CTNNA3: variants seen among roughly 807,000 people sequenced by gnomAD.
The protein encoded by CTNNA3 is catenin alpha-3.
A neutral mutation model predicts 95.7 loss-of-function variants in CTNNA3; 76 were observed. That is an observed-to-expected ratio of 0.79 (90% CI 0.66 to 0.96). The LOEUF is 0.96. CTNNA3 is among the 40% of genes least tolerant of loss of function. The pLI is 0.00. For missense variants in CTNNA3, 1,191 were observed against 1,089.8 expected (o/e 1.09, Z -1.31); for synonymous variants, 431 against 374.4 (o/e 1.15, Z -1.74).
chr10:67,221,284 A>C lies in CTNNA3; in HGVS notation c.580-1414T>G, dbSNP rs147555689. ...ACCTTTGCAACTTTTCTGTAAATCTAAAATTACTCCCAAATAAAAGCTTAA... is the reference window on the plus strand; with the variant it reads ...ACCTTTGCAACTTTTCTGTAAATCTCAAATTACTCCCAAATAAAAGCTTAA... On this transcript the variant is annotated intron_variant, in intron 5 of 17. Coordinates refer to ENST00000433211, the MANE Select transcript of CTNNA3 (RefSeq NM_013266.4). Among the ~76,000 whole-genome samples, 838 of 152,338 alleles carry C rather than the reference A, an allele frequency of 5.5e-3. 3 individuals carry two copies. Among genetic ancestry groups the C allele is most frequent in the African/African-American group, 0.019 (801 of 41,580 alleles).
intron 10 of CTNNA3, among the ~76,000 whole-genome samples, chr10:66,582,080 T>G (rs895647549): frequency 5.3e-5 from 8 of 151,912 alleles, no homozygotes; most frequent in African/African-American, 1.9e-4. Flanking sequence ...GGTAATGTGA[T>G]GCCTCCAGAT....
chr10:66,483,694 G>C (rs1038719639), intron 11 of CTNNA3, among the ~76,000 whole-genome samples: 2 of 152,048 alleles, frequency 1.3e-5, no homozygotes, highest in Non-Finnish European at 1.5e-5. Context: ...GAACTCTGCA[G>C]TTCACGGAAT....
intron 10 of CTNNA3, among the ~76,000 whole-genome samples, chr10:66,559,917 C>T (rs887667650): frequency 2.0e-5 from 3 of 151,990 alleles, no homozygotes; most frequent in Non-Finnish European, 4.4e-5. Context: ...TGTCTGTCTC[C>T]ACTTCTACAT....
intron 16 of CTNNA3, among the ~76,000 whole-genome samples, chr10:65,980,843 T>C (rs1405469675): frequency 6.6e-6 from 1 of 151,858 alleles, no homozygotes; most frequent in Non-Finnish European, 1.5e-5. Flanking sequence ...TGACATACCT[T>C]AAGGTAATAA....
At chr10:65,927,598 T>C (rs1213973700) in intron 17 of CTNNA3, among the ~76,000 whole-genome samples, 1 of 152,228 alleles carries the variant, frequency 6.6e-6, no homozygotes, top group Non-Finnish European at 1.5e-5. Context: ...ATTACATGTG[T>C]AAGCTTCACG....
chr10:66,957,719 G>A (rs919994105), intron 7 of CTNNA3, among the ~76,000 whole-genome samples: 2 of 151,838 alleles, frequency 1.3e-5, no homozygotes, highest in Admixed American at 6.6e-5. Context: ...GAAACATGGG[G>A]ACAGCATCAG....
chr10:66,733,352 G>A (rs1366819691), intron 9 of CTNNA3, among the ~76,000 whole-genome samples: 2 of 151,850 alleles, frequency 1.3e-5, no homozygotes, highest in Admixed American at 6.6e-5. Flanking sequence ...AAAACATTTA[G>A]TGGAAGCATA....
At chr10:66,139,956 G>T (rs2083532317) in intron 13 of CTNNA3, among the ~76,000 whole-genome samples, 1 of 152,170 alleles carries the variant, frequency 6.6e-6, no homozygotes, top group African/African-American at 2.4e-5. Context: ...GTGGCAATGG[G>T]GGCTTTTGTG....
At chr10:66,266,655 A>G (rs2091166060) in intron 13 of CTNNA3, among the ~76,000 whole-genome samples, 2 of 152,054 alleles carry the variant, frequency 1.3e-5, no homozygotes, top group Admixed American at 6.6e-5. Flanking sequence ...AGTAGTGAAC[A>G]TGCCTGACTA....
intron 9 of CTNNA3, among the ~76,000 whole-genome samples, chr10:66,711,313 T>C (rs1589155415): frequency 6.8e-6 from 1 of 147,016 alleles, no homozygotes; most frequent in Non-Finnish European, 1.5e-5. Context: ...CATAAACTCA[T>C]CATGACCTTT....
At chr10:66,366,710 T>C (rs544151025) in intron 12 of CTNNA3, among the ~76,000 whole-genome samples, 2 of 152,286 alleles carry the variant, frequency 1.3e-5, no homozygotes, top group South Asian at 2.1e-4. Flanking sequence ...TATTTTGTTA[T>C]AGCAGCCTGG....
intron 7 of CTNNA3, among the ~76,000 whole-genome samples, chr10:66,996,669 A>AAAAAAAAAAAAAAAG: frequency 6.6e-6 from 1 of 150,790 alleles, no homozygotes; most frequent in East Asian, 2.0e-4. Context: ...AAAAAAAAAA[A>AAAAAAAAAAAAAAAG]AAGCATGTTT....
At chr10:66,669,029 G>A (rs959929572) in intron 9 of CTNNA3, among the ~76,000 whole-genome samples, 2 of 151,960 alleles carry the variant, frequency 1.3e-5, no homozygotes, top group Non-Finnish European at 2.9e-5. Flanking sequence ...GAATATATAT[G>A]TTCCAATATT....
intron 17 of CTNNA3, among the ~76,000 whole-genome samples, chr10:65,959,508 G>A (rs964187896): frequency 1.3e-5 from 2 of 151,996 alleles, no homozygotes; most frequent in African/African-American, 4.8e-5. Context: ...TTTCTATTTG[G>A]CCATCTTGGA....
intron 3 of CTNNA3, among the ~76,000 whole-genome samples, chr10:67,551,131 A>T (rs1841014283): frequency 3.3e-5 from 5 of 152,030 alleles, no homozygotes; most frequent in Admixed American, 3.3e-4. Flanking sequence ...GTGCCTGTAA[A>T]AACTCCCGAG....
At chr10:67,667,879 G>A (rs1840359861) in intron 1 of CTNNA3, among the ~76,000 whole-genome samples, 1 of 151,974 alleles carries the variant, frequency 6.6e-6, no homozygotes, top group Non-Finnish European at 1.5e-5. Context: ...AGATACCTGG[G>A]CTTTTTTCTC....
chr10:67,693,723 A>T (rs1840912832), intron 1 of CTNNA3, among the ~76,000 whole-genome samples: 1 of 152,142 alleles, frequency 6.6e-6, no homozygotes, highest in African/African-American at 2.4e-5. Flanking sequence ...TAATCTCTCC[A>T]CTTTGATTAC....
intron 11 of CTNNA3, among the ~76,000 whole-genome samples, chr10:66,451,754 A>T (rs2093466313): frequency 6.6e-6 from 1 of 152,154 alleles, no homozygotes; most frequent in Non-Finnish European, 1.5e-5. Context: ...ACTACTCAAA[A>T]ATTAAAATAT....
intron 12 of CTNNA3, among the ~76,000 whole-genome samples, chr10:66,285,693 T>C (rs978236455): frequency 5.3e-5 from 8 of 151,762 alleles, no homozygotes; most frequent in Non-Finnish European, 1.2e-4. Context: ...AAATTTTATT[T>C]TTTTAAATTG....
Sources: gnomAD v4.1 joint callset for allele counts (sites outside exome capture counted in the v4.1 genomes callset) on GRCh38, gnomAD v4.1.1 for gene constraint, MANE v1.5 for transcripts, NCBI Gene and HGNC (gene_info 2026-07-23, HGNC 2026-07-21) for gene names.